Variants in RBFOX1 observed in about 807,000 individuals in gnomAD.
The protein encoded by RBFOX1 is RNA binding fox-1 homolog 1, also known as RNA binding protein fox-1 homolog 1.
Under a neutral mutation model 57.7 loss-of-function variants are expected in RBFOX1, and 8 were observed. The ratio of observed to expected loss-of-function variants is 0.14; its 90% CI spans 0.08 to 0.25. The LOEUF (loss-of-function observed/expected upper bound fraction) is 0.25. Among genes scored for constraint, RBFOX1 ranks in the 10% least tolerant of loss-of-function variants. RBFOX1 has a pLI of 1.00. For synonymous variants in RBFOX1, 326 were observed against 222.4 expected, an observed-to-expected ratio of 1.47 and a Z score of -4.15; for missense variants, 611 against 548.5, an observed-to-expected ratio of 1.11 and a Z score of -1.14.
Position 7,432,241 on chromosome 16 carries a change from A to G in RBFOX1, c.28-85906A>G, listed in dbSNP as rs915240560. On this transcript the variant is annotated intron_variant, in intron 4 of 15. Transcript: ENST00000550418. ...TTTTCATCCTTGTCTTAAAGGTAGGATGAGTCTCCCAAGGTGGGATAGAAT... is the reference window on the plus strand; with the variant it reads ...TTTTCATCCTTGTCTTAAAGGTAGGGTGAGTCTCCCAAGGTGGGATAGAAT... Among the ~76,000 whole-genome samples the G allele has an allele frequency of 1.6e-4, 24 of 152,340 alleles. 1 individual carries two copies. The South Asian group carries it at 4.6e-3, about 29-fold the overall frequency.
intron 4 of RBFOX1, among the ~76,000 whole-genome samples, chr16:5,887,360 C>G (rs115207033): frequency 6.6e-6 from 1 of 152,152 alleles, no homozygotes; most frequent in Non-Finnish European, 1.5e-5. Context: ...GTACTGCCTT[C>G]AATGGATTTC....
chr16:7,255,696 AT>A (rs1347432976), intron 4 of RBFOX1, among the ~76,000 whole-genome samples: 1 of 152,256 alleles, frequency 6.6e-6, no homozygotes, highest in Non-Finnish European at 1.5e-5. Flanking sequence ...AATTAAAAAA[AT>A]AAATGCATGA....
intron 3 of RBFOX1, among the ~76,000 whole-genome samples, chr16:5,677,590 C>G (rs1471294048): frequency 1.3e-5 from 2 of 152,178 alleles, no homozygotes; most frequent in African/African-American, 4.8e-5. Context: ...ATGAATGAGA[C>G]ACTAGATTAA....
At chr16:6,957,807 C>G (rs1008919478) in intron 3 of RBFOX1, among the ~76,000 whole-genome samples, 3 of 152,156 alleles carry the variant, frequency 2.0e-5, no homozygotes, top group Admixed American at 6.5e-5. Flanking sequence ...AGCCAGGCAT[C>G]TCTCTTTTCA....
intron 1 of RBFOX1, among the ~76,000 whole-genome samples, chr16:6,206,059 G>A (rs921479057): frequency 6.6e-6 from 1 of 151,938 alleles, no homozygotes; most frequent in South Asian, 2.1e-4. Flanking sequence ...AACTGAAGAT[G>A]AGGCTGAAAA....
At chr16:6,197,001 T>TA in intron 1 of RBFOX1, among the ~76,000 whole-genome samples, 1 of 152,284 alleles carries the variant, frequency 6.6e-6, no homozygotes, top group East Asian at 1.9e-4. Flanking sequence ...TAGAGTGGAA[T>TA]AAAAAAGAAG....
chr16:5,821,525 G>A (rs563670298), intron 3 of RBFOX1, among the ~76,000 whole-genome samples: 1 of 152,030 alleles, frequency 6.6e-6, no homozygotes, highest in African/African-American at 2.4e-5. Flanking sequence ...CTTGTGTCCA[G>A]CTCCTGGGAT....
chr16:6,680,698 T>G (rs1410253734), intron 3 of RBFOX1, among the ~76,000 whole-genome samples: 1 of 152,240 alleles, frequency 6.6e-6, no homozygotes, highest in Non-Finnish European at 1.5e-5. Flanking sequence ...TAATATTTAA[T>G]GAGACTTTAA....
intron 3 of RBFOX1, among the ~76,000 whole-genome samples, chr16:6,813,637 G>A (rs566302018): frequency 6.6e-6 from 1 of 152,118 alleles, no homozygotes; most frequent in Non-Finnish European, 1.5e-5. Flanking sequence ...GAACTGAGTA[G>A]GGGGTGGATG....
chr16:7,492,828 G>T (rs1038224610), intron 4 of RBFOX1, among the ~76,000 whole-genome samples: 2 of 152,130 alleles, frequency 1.3e-5, no homozygotes, highest in African/African-American at 4.8e-5. Flanking sequence ...ACCTTCCACC[G>T]TGAGTAAAAG....
At chr16:7,260,314 C>T (rs140698903) in intron 4 of RBFOX1, among the ~76,000 whole-genome samples, 1 of 152,232 alleles carries the variant, frequency 6.6e-6, no homozygotes, top group African/African-American at 2.4e-5. Flanking sequence ...TTTGAATTAA[C>T]AGGTGAAATA....
At chr16:6,546,379 T>C (rs1260626864) in intron 2 of RBFOX1, among the ~76,000 whole-genome samples, 2 of 152,212 alleles carry the variant, frequency 1.3e-5, no homozygotes, top group Non-Finnish European at 2.9e-5. Context: ...CAGACATTTA[T>C]TGCCTCACCA....
At chr16:6,815,127 C>T (rs374563060) in intron 3 of RBFOX1, among the ~76,000 whole-genome samples, 19 of 152,112 alleles carry the variant, frequency 1.2e-4, no homozygotes, top group African/African-American at 3.6e-4. Context: ...GCGTAACTTC[C>T]GGGTGTTGCT....
chr16:5,336,211 T>C (rs1335292221), intron 1 of RBFOX1, among the ~76,000 whole-genome samples: 2 of 152,106 alleles, frequency 1.3e-5, no homozygotes, highest in African/African-American at 4.8e-5. Flanking sequence ...TCTGCTGCTC[T>C]CTGTCAAAGG....
intron 3 of RBFOX1, among the ~76,000 whole-genome samples, chr16:5,719,560 C>A (rs751806691): frequency 2.0e-5 from 3 of 152,000 alleles, no homozygotes; most frequent in Non-Finnish European, 4.4e-5. Flanking sequence ...GCAGTAACTC[C>A]CCATTTTGCT....
intron 4 of RBFOX1, among the ~76,000 whole-genome samples, chr16:7,399,668 CTG>C (rs1240719645): frequency 6.6e-6 from 1 of 152,054 alleles, no homozygotes; most frequent in Non-Finnish European, 1.5e-5. Flanking sequence ...GTCTTCTGTT[CTG>C]TGTGTCTTCT....
chr16:6,723,110 C>G (rs1206000942), intron 3 of RBFOX1, among the ~76,000 whole-genome samples: 1 of 152,182 alleles, frequency 6.6e-6, no homozygotes, highest in South Asian at 2.1e-4. Flanking sequence ...AGAGTTTTCA[C>G]AACGTGTTTG....
intron 2 of RBFOX1, among the ~76,000 whole-genome samples, chr16:6,413,196 G>C (rs1415063391): frequency 6.6e-6 from 1 of 151,988 alleles, no homozygotes; most frequent in Non-Finnish European, 1.5e-5. Context: ...GCACATGCCT[G>C]TAATCCCAGA....
In RBFOX1 at chr16:7,323,464, A is replaced by G. The variant is rs79547487; in HGVS notation, c.28-194683A>G. 2.8e-3 allele frequency among the ~76,000 whole-genome samples: 421 copies of G among 152,282 alleles called. 3 individuals are homozygous for G. Among genetic ancestry groups the G allele is most frequent in the African/African-American group, 9.2e-3 (383 of 41,570 alleles). ...TAATTTTCTAAAAACCCAGGCCACC[A>G]TTTCTCAGAGTATATTAATCCATAT... On this transcript the variant is annotated intron_variant, in intron 4 of 15. Transcript: ENST00000550418.
Sources: allele counts gnomAD v4.1 joint callset (sites outside exome capture counted in the v4.1 genomes callset), GRCh38; gene constraint gnomAD v4.1.1; transcripts MANE v1.5; gene names NCBI Gene and HGNC (gene_info 2026-07-23, HGNC 2026-07-21).